ELOVL6: variants seen among roughly 807,000 people sequenced by gnomAD.
ELOVL6 encodes ELOVL fatty acid elongase 6.
ELOVL6 carries 8 observed loss-of-function variants against 31.7 expected under a neutral mutation model. The observed-to-expected ratio is 0.25, with a 90% CI of 0.15 to 0.45. The LOEUF (loss-of-function observed/expected upper bound fraction) is 0.45. Among genes scored for constraint, ELOVL6 ranks in the 20% least tolerant of loss-of-function variants. The probability of loss-of-function intolerance (pLI) is 1.00; values close to 1 mark genes in which losing one functional copy is unlikely to be tolerated. For missense variants in ELOVL6, 126 were observed against 326.4 expected, an observed-to-expected ratio of 0.39 and a Z score of 4.73; for synonymous variants, 101 against 117.7, an observed-to-expected ratio of 0.86 and a Z score of 0.92.
chr4:110,100,338 A>C (rs1055660903), intron 2 of ELOVL6, among the ~76,000 whole-genome samples: 1 of 152,188 alleles, frequency 6.6e-6, no homozygotes, highest in African/African-American at 2.4e-5. Flanking sequence ...GGTTTCAATA[A>C]ATTACCACCT....
At chr4:110,056,128 G>C (rs543140083) in intron 3 of ELOVL6, among the ~76,000 whole-genome samples, 7 of 143,310 alleles carry the variant, frequency 4.9e-5, no homozygotes, top group South Asian at 2.3e-4. Context: ...GAGCTGGGGG[G>C]GGGGATACAG....
Position 110,141,874 on chromosome 4 carries a change from T to C in ELOVL6, c.90-36246A>G, listed in dbSNP as rs181787582. Among the ~76,000 whole-genome samples the C allele has an allele frequency of 5.1e-3, 728 of 143,212 alleles. 9 individuals are homozygous for C. The highest frequency in any genetic ancestry group is 0.018 in the African/African-American group (691 of 38,758). The allele number at this position is 143,212 out of a possible 152,430, so 94.0% of individuals were successfully genotyped here. The stretch of plus-strand genomic sequence containing the variant: ...CAATTAGTATATATATATATATATA[T>C]ACTAATACAATACAATACTATATAT... On this transcript the variant is annotated intron_variant, in intron 1 of 3. Transcript: ENST00000302274.
intron 1 of ELOVL6, among the ~76,000 whole-genome samples, chr4:110,151,918 A>G (rs1464971859): frequency 6.6e-6 from 1 of 152,220 alleles, no homozygotes; most frequent in Non-Finnish European, 1.5e-5. Context: ...GGTACATTTA[A>G]TCATCAGTCA....
chr4:110,051,207 G>A lies in ELOVL6; in HGVS notation c.*131C>T, dbSNP rs1364741708. 17 of 949,516 alleles carry A rather than the reference G, an allele frequency of 1.8e-5. No individual in the cohort carries two copies. Among genetic ancestry groups the A allele is most frequent in the Non-Finnish European group, 2.7e-5 (17 of 634,012 alleles). The allele number at this position is 949,516 out of a possible 1,614,324, so 58.8% of individuals were successfully genotyped here. A position where few individuals can be genotyped will look rare whatever the true frequency, so the allele number is the denominator to read the frequency against. On this transcript the variant is annotated 3_prime_UTR_variant, in exon 4 of 4. Transcript: ENST00000302274. The surrounding 1 kb of genome is among the most constrained non-coding windows in gnomAD (Gnocchi z 4.8). Reference sequence around the variant, plus strand: ...AAATCAACCTAATTATCCCTAAGCTGCCTTGGGTTTTGTGTTTGCTCATGT... The same window carrying A: ...AAATCAACCTAATTATCCCTAAGCTACCTTGGGTTTTGTGTTTGCTCATGT...
rs17041304 is a variant in ELOVL6 at position 110,056,192 on chromosome 4, T to G, written c.373+3411A>C. ...TTTTTCTCACTAGATCTTTTCCTTT[T>G]GGTGCTCATAAAGAGTCCAGAATCT... is the stretch of plus-strand genomic sequence containing the variant. On this transcript the variant is annotated intron_variant, in intron 3 of 3. Transcript: ENST00000302274. 7.7e-3 allele frequency among the ~76,000 whole-genome samples: 1,171 copies of G among 152,258 alleles called. 58 individuals are homozygous for G. In the East Asian group the frequency reaches 0.11, roughly 14 times the overall value.
chr4:110,141,798 T>C (rs1757967606), intron 1 of ELOVL6, among the ~76,000 whole-genome samples: 1 of 145,240 alleles, frequency 6.9e-6, no homozygotes, highest in Non-Finnish European at 1.5e-5. Flanking sequence ...TATATACTAA[T>C]ACAATGTACT....
Position 110,153,428 on chromosome 4 carries a change from A to T in ELOVL6, c.89+44819T>A, listed in dbSNP as rs527968819. Among the ~76,000 whole-genome samples the T allele has an allele frequency of 2.6e-5, 4 of 152,346 alleles. No homozygotes were observed. In the East Asian group the frequency reaches 7.7e-4, roughly 29 times the overall value. Reference sequence around the variant, plus strand: ...TAGTGTGATAATTTAAATGCTACTTATAGATGGTGGGCTAAAACTTAATTG... The same window carrying T: ...TAGTGTGATAATTTAAATGCTACTTTTAGATGGTGGGCTAAAACTTAATTG... On this transcript the variant is annotated intron_variant, in intron 1 of 3. Coordinates refer to ENST00000302274, the MANE Select transcript of ELOVL6 (RefSeq NM_024090.3).
chr4:110,116,062 T>C (rs1340132283), intron 1 of ELOVL6, among the ~76,000 whole-genome samples: 1 of 152,130 alleles, frequency 6.6e-6, no homozygotes, highest in African/African-American at 2.4e-5. Flanking sequence ...CACCAGATAA[T>C]CCAGGGCCAC....
At chr4:110,142,163 T>C (rs6855357) in intron 1 of ELOVL6, among the ~76,000 whole-genome samples, 146,946 of 148,500 alleles carry the variant, frequency 0.99, 72,709 homozygotes, top group Middle Eastern at 1. Flanking sequence ...CTCCACCTCC[T>C]GGGATCACAC....
At chr4:110,061,530 T>C (rs577132817) in intron 2 of ELOVL6, among the ~76,000 whole-genome samples, 1 of 149,914 alleles carries the variant, frequency 6.7e-6, no homozygotes, top group African/African-American at 2.5e-5. Flanking sequence ...TGTACTGTCT[T>C]TCCCTCACCA....
intron 2 of ELOVL6, among the ~76,000 whole-genome samples, chr4:110,084,432 T>A (rs1411208677): frequency 8.3e-6 from 1 of 120,278 alleles, no homozygotes; most frequent in Non-Finnish European, 1.7e-5. Context: ...ATCACATATA[T>A]CATATATGAT....
chr4:110,192,051 G>A (rs1055878992), intron 1 of ELOVL6, among the ~76,000 whole-genome samples: 1 of 151,956 alleles, frequency 6.6e-6, no homozygotes, highest in Admixed American at 6.6e-5. Flanking sequence ...TCAGCCGGGT[G>A]TAGTGGCGCA....
chr4:110,092,552 C>T (rs1185356782), intron 2 of ELOVL6, among the ~76,000 whole-genome samples: 1 of 152,214 alleles, frequency 6.6e-6, no homozygotes, highest in African/African-American at 2.4e-5. Context: ...ATACTCATCT[C>T]GCAATGTTTC....
intron 1 of ELOVL6, among the ~76,000 whole-genome samples, chr4:110,145,306 C>A (rs1180025896): frequency 1.3e-5 from 2 of 152,126 alleles, no homozygotes; most frequent in Non-Finnish European, 2.9e-5. Flanking sequence ...CCCAGCCACT[C>A]TTCCCCAACC....
At chr4:110,059,503 C>A in intron 3 of ELOVL6, 100 bp downstream of exon 3, 1 of 1,318,608 alleles carries the variant, frequency 7.6e-7, no homozygotes, top group South Asian at 1.7e-5. Flanking sequence ...TTCTTGCAAC[C>A]AACAAAATAG....
chr4:110,156,799 T>C (rs1758436805), intron 1 of ELOVL6, among the ~76,000 whole-genome samples: 1 of 152,196 alleles, frequency 6.6e-6, no homozygotes, highest in African/African-American at 2.4e-5. Context: ...TATACTACCT[T>C]AGTAAGTAAA....
intron 2 of ELOVL6, among the ~76,000 whole-genome samples, chr4:110,098,157 C>T (rs1311766549): frequency 2.6e-5 from 4 of 152,086 alleles, no homozygotes; most frequent in Non-Finnish European, 4.4e-5. Context: ...CCCAAATCAT[C>T]CTTCCAGCAA....
intron 2 of ELOVL6, among the ~76,000 whole-genome samples, chr4:110,073,005 A>G (rs1215155401): frequency 6.6e-6 from 1 of 152,208 alleles, no homozygotes; most frequent in Non-Finnish European, 1.5e-5. Flanking sequence ...AACTGATTTA[A>G]GAAGAAAAAT....
chr4:110,116,417 G>A (rs541039491), intron 1 of ELOVL6, among the ~76,000 whole-genome samples: 5 of 152,234 alleles, frequency 3.3e-5, no homozygotes, highest in East Asian at 3.9e-4. Context: ...TCCAAAGGGC[G>A]AGAGCAACAC....
Sources: gnomAD v4.1 joint callset for allele counts (sites outside exome capture counted in the v4.1 genomes callset) on GRCh38, gnomAD v4.1.1 for gene constraint, Gnocchi (gnomAD v3.1) non-coding constraint, MANE v1.5 for transcripts, NCBI Gene and HGNC (gene_info 2026-07-23, HGNC 2026-07-21) for gene names.